Variants in EFR3A observed in about 807,000 individuals in gnomAD.
EFR3A encodes the protein protein EFR3 homolog A.
In EFR3A, 76 loss-of-function variants were observed where a neutral mutation model predicts 104.4. The ratio of observed to expected loss-of-function variants is 0.73; its 90% CI spans 0.60 to 0.88. EFR3A has a LOEUF of 0.88. EFR3A is among the 40% of genes least tolerant of loss of function. The probability of loss-of-function intolerance (pLI) is 0.00; values close to 1 mark genes in which losing one functional copy is unlikely to be tolerated. For missense variants in EFR3A, 985 were observed against 1,012.5 expected (o/e 0.97, Z 0.37); for synonymous variants, 330 against 330.0 (o/e 1.00, Z 0.00).
intron 1 of EFR3A, among the ~76,000 whole-genome samples, chr8:131,915,445 A>C (rs973105512): frequency 6.6e-6 from 1 of 152,162 alleles, no homozygotes; most frequent in Admixed American, 6.6e-5. Flanking sequence ...TCTCTTAGCA[A>C]ATATTTTTGG....
At chr8:131,996,563 CT>C in intron 19 of EFR3A, 66 bp downstream of exon 19, 1 of 987,404 alleles carries the variant, frequency 1.0e-6, no homozygotes, top group South Asian at 1.8e-5. Flanking sequence ...AATTTTTTGC[CT>C]TCCACACTTT....
At position 132,001,778 on chromosome 8, in the gene EFR3A, T is replaced by A; in HGVS notation, c.2177T>A (p.Ile726Asn). The A allele has an allele frequency of 6.2e-7, 1 of 1,613,378 alleles. No individual in the cohort carries two copies. Among genetic ancestry groups the A allele is most frequent in the Non-Finnish European group, 8.5e-7 (1 of 1,179,512 alleles). The change falls in exon 20 of 23, where the codon ATC becomes AAC. Residue 726 changes from isoleucine (I) to asparagine (N), a missense_variant. Physicochemically the swap from Ile to Asn is moderately radical, Grantham distance 149. Coordinates refer to ENST00000254624, the MANE Select transcript of EFR3A (RefSeq NM_015137.6). ...CTCTAGGTTAGTAACACTGAAGAAA[T>A]CACTTTTGAAGCATTGAAGAAAGCA... The part of the protein sequence containing the change: ...SDDVVSNTEE[I>N]TFEALKKAID...
chr8:131,953,512 T>C (rs188079266), intron 5 of EFR3A, among the ~76,000 whole-genome samples: 458 of 152,238 alleles, frequency 3.0e-3, no homozygotes, highest in African/African-American at 0.01. Context: ...ATCATTATCA[T>C]TTTAAGAAAA....
intron 1 of EFR3A, among the ~76,000 whole-genome samples, chr8:131,919,491 G>C (rs58990353): frequency 0.011 from 1,671 of 151,632 alleles, 29 homozygotes; most frequent in African/African-American, 0.038. Context: ...AGCTACTCAG[G>C]AGGCTGAGGC....
At chr8:131,976,322 T>C (rs898366925) in intron 11 of EFR3A, among the ~76,000 whole-genome samples, 181 bp downstream of exon 11, 8 of 152,148 alleles carry the variant, frequency 5.3e-5, no homozygotes, top group Admixed American at 5.2e-4. Flanking sequence ...TTTTTAGGCC[T>C]TTAGAATCAT....
chr8:131,974,303 C>G (rs998549939), intron 10 of EFR3A, among the ~76,000 whole-genome samples: 1 of 152,160 alleles, frequency 6.6e-6, no homozygotes, highest in Non-Finnish European at 1.5e-5. Flanking sequence ...ATCAGAGATA[C>G]AAATGTTGTT....
chr8:131,958,483 A>T (rs1819137506), intron 7 of EFR3A, among the ~76,000 whole-genome samples: 1 of 152,132 alleles, frequency 6.6e-6, no homozygotes, highest in South Asian at 2.1e-4. Flanking sequence ...TCTTTAGAAC[A>T]GGTAGCCATG....
chr8:131,983,327 G>A (rs1438645173), intron 14 of EFR3A, among the ~76,000 whole-genome samples: 4 of 152,098 alleles, frequency 2.6e-5, no homozygotes, highest in South Asian at 4.1e-4. Context: ...GGAGGAGGGT[G>A]GACAGTAGTG....
At chr8:131,913,091 G>A (rs1032992632) in intron 1 of EFR3A, among the ~76,000 whole-genome samples, 1 of 151,310 alleles carries the variant, frequency 6.6e-6, no homozygotes, top group Admixed American at 6.6e-5. Context: ...TCATGATGTG[G>A]GGGTTCAGTT....
intron 1 of EFR3A, among the ~76,000 whole-genome samples, chr8:131,915,625 C>A (rs1300368471): frequency 6.6e-6 from 1 of 152,112 alleles, no homozygotes; most frequent in Non-Finnish European, 1.5e-5. Context: ...GACTGCACCT[C>A]TGATTGGGAG....
chr8:131,995,093 G>C (rs1329161198), intron 18 of EFR3A, among the ~76,000 whole-genome samples: 1 of 152,096 alleles, frequency 6.6e-6, no homozygotes, highest in Non-Finnish European at 1.5e-5. Flanking sequence ...TTTGCAAGTA[G>C]AAGAGGAAAA....
chr8:131,911,428 A>G (rs1018794768), intron 1 of EFR3A, among the ~76,000 whole-genome samples: 12 of 152,204 alleles, frequency 7.9e-5, no homozygotes, highest in African/African-American at 2.9e-4. Flanking sequence ...TTGCAGGATC[A>G]CCAGAGAAGG....
intron 4 of EFR3A, among the ~76,000 whole-genome samples, chr8:131,947,518 A>C (rs929007120): frequency 6.7e-5 from 10 of 148,454 alleles, no homozygotes; most frequent in African/African-American, 2.5e-4. Context: ...ATTTTGATGA[A>C]GTCCAGTTCC....
chr8:131,937,208 G>C (rs1269104621), intron 1 of EFR3A, among the ~76,000 whole-genome samples: 1 of 152,072 alleles, frequency 6.6e-6, no homozygotes, highest in African/African-American at 2.4e-5. Context: ...TTAAAGAAAT[G>C]TTACTTCAGG....
intron 1 of EFR3A, among the ~76,000 whole-genome samples, chr8:131,920,653 G>T (rs1478891569): frequency 1.3e-5 from 2 of 151,442 alleles, no homozygotes; most frequent in South Asian, 4.2e-4. Flanking sequence ...TTTTGACGAC[G>T]TTGCTTTAGT....
At chr8:131,992,095 C>T (rs1003524429) in intron 18 of EFR3A, among the ~76,000 whole-genome samples, 31 of 152,030 alleles carry the variant, frequency 2.0e-4, no homozygotes, top group Admixed American at 2.0e-3. Context: ...TAAATTAACC[C>T]AGAAATTATT....
intron 18 of EFR3A, among the ~76,000 whole-genome samples, chr8:131,990,312 G>T (rs1047246140): frequency 6.6e-6 from 1 of 152,146 alleles, no homozygotes. Context: ...TATTATTAGG[G>T]ACATTTAGGG....
intron 1 of EFR3A, among the ~76,000 whole-genome samples, chr8:131,914,361 A>G (rs1228015422): frequency 1.3e-5 from 2 of 152,164 alleles, no homozygotes; most frequent in African/African-American, 4.8e-5. Flanking sequence ...TGATGGGGGT[A>G]TCTGCCCCAG....
chr8:131,941,951 A>G (rs1485264483), intron 2 of EFR3A, among the ~76,000 whole-genome samples: 7 of 152,114 alleles, frequency 4.6e-5, no homozygotes, highest in African/African-American at 1.2e-4. Context: ...CATGTTGACC[A>G]TGATTTCTCA....
Sources: allele counts gnomAD v4.1 joint callset (sites outside exome capture counted in the v4.1 genomes callset), GRCh38; gene constraint gnomAD v4.1.1; transcripts MANE v1.5; gene names NCBI Gene and HGNC (gene_info 2026-07-23, HGNC 2026-07-21).